Variants in STKLD1 observed in about 807,000 individuals in gnomAD.
STKLD1 encodes serine/threonine kinase like domain containing 1.
STKLD1 carries 79 observed loss-of-function variants against 80.4 expected under a neutral mutation model. The ratio of observed to expected loss-of-function variants is 0.98; its 90% confidence interval spans 0.82 to 1.19. STKLD1 has a LOEUF of 1.19. STKLD1 is among the 50% of genes most tolerant of loss of function. The pLI is 0.00. For synonymous variants in STKLD1, 393 were observed against 357.6 expected (o/e 1.10, Z -1.12); for missense variants, 841 against 856.0 (o/e 0.98, Z 0.22).
chr9:133,388,335 G>A (rs1029582666), intron 5 of STKLD1, among the ~76,000 whole-genome samples: 2 of 151,984 alleles, frequency 1.3e-5, no homozygotes, highest in African/African-American at 2.4e-5. Context: ...TGCAACCTTC[G>A]CCTCCCTGTT....
At position 133,384,603 on chromosome 9, in the gene STKLD1, A is replaced by G. The variant is rs1272542468; in HGVS notation, c.219+703A>G. ...CTTTTTTTTTTTTTCTTTAATAGCA[A>G]TGGGGTCTCACCATTTTGCCCAGGC... On this transcript the variant is annotated intron_variant, in intron 3 of 17. Transcript: ENST00000371957. The surrounding 1 kb of genome is among the most constrained non-coding windows in gnomAD (Gnocchi z 4.3). The G allele has an allele frequency of 6.6e-6, 1 of 151,024 alleles. No homozygotes were observed. Among genetic ancestry groups the G allele is most frequent in the Non-Finnish European group, 1.5e-5 (1 of 67,844 alleles). The allele number at this position is 151,024 out of a possible 1,614,324, so 9.4% of individuals were successfully genotyped here.
intron 2 of STKLD1, among the ~76,000 whole-genome samples, chr9:133,381,297 A>C (rs1838127058): frequency 2.0e-5 from 3 of 150,500 alleles, no homozygotes; most frequent in African/African-American, 7.3e-5. Context: ...GTGCCACCAC[A>C]TCCAGCTAAT....
At position 133,385,480 on chromosome 9, in the gene STKLD1, C is replaced by A; in HGVS notation, c.220-137C>A. 1 of 794,958 alleles carries A rather than the reference C, an allele frequency of 1.3e-6. No homozygotes were observed. The highest frequency in any genetic ancestry group is 2.0e-6 in the Non-Finnish European group (1 of 487,948). 49.2% of individuals were successfully genotyped at this position (794,958 alleles called of 1,614,324 possible). Reference sequence around the variant, plus strand: ...TGCCTGGCTCCCAACCACCGTGCAGCTTCCCTGAGCCCACTCCCTGGCCCA... The same window carrying A: ...TGCCTGGCTCCCAACCACCGTGCAGATTCCCTGAGCCCACTCCCTGGCCCA... On this transcript the variant is annotated intron_variant, in intron 3 of 17. Transcript: ENST00000371957. This position sits in a 1 kb window ranked among gnomAD's most constrained non-coding sequence, Gnocchi z 4.9.
At chr9:133,405,144 TGCATGCCAA>T in intron 17 of STKLD1, 99 bp from the exon 18 acceptor site, 1 of 1,414,312 alleles carries the variant, frequency 7.1e-7, no homozygotes, top group Middle Eastern at 2.5e-4. Flanking sequence ...GGTGGCTCTG[TGCATGCCAA>T]GCCCAAGGGG....
intron 11 of STKLD1, among the ~76,000 whole-genome samples, 160 bp downstream of exon 11, chr9:133,398,215 C>G (rs1365795611): frequency 6.6e-6 from 1 of 152,214 alleles, no homozygotes; most frequent in Non-Finnish European, 1.5e-5. Context: ...AGTCCCGTGT[C>G]TCTGCTATCT....
At position 133,379,054 on chromosome 9, in the gene STKLD1, C is replaced by A; in HGVS notation, c.106C>A (p.Pro36Thr). The change falls in exon 2 of 18, where the codon CCT becomes ACT. Residue 36 changes from proline (P) to threonine (T), a missense_variant. Coordinates refer to ENST00000371957, the MANE Select transcript of STKLD1 (RefSeq NM_153710.5). ...EKYQVLYQLN[P>T]GALGVNLVVE... ...CTGATAGGTTTTGTACCAGCTGAAT[C>A]CTGGGGCCTTGGGGGTGAACCTGGT... is the stretch of plus-strand genomic sequence containing the variant. 1 of 1,613,900 alleles carries A rather than the reference C, an allele frequency of 6.2e-7. No individual in the cohort carries two copies. Among genetic ancestry groups the A allele is most frequent in the Non-Finnish European group, 8.5e-7 (1 of 1,179,870 alleles).
chr9:133,391,530 T>C (rs113081038), intron 7 of STKLD1, among the ~76,000 whole-genome samples: 10,310 of 151,862 alleles, frequency 0.068, 414 homozygotes, highest in Middle Eastern at 0.095. Flanking sequence ...AGAAAAATTC[T>C]TCTGCCTTGG....
chr9:133,395,539 T>A, intron 8 of STKLD1, 61 bp from the exon 9 acceptor site: 1 of 1,558,694 alleles, frequency 6.4e-7, no homozygotes, highest in Non-Finnish European at 8.7e-7. Context: ...CCCCTGCCCA[T>A]GCTGGGACCT....
chr9:133,405,027 G>A, intron 17 of STKLD1, 98 bp downstream of exon 17: 1 of 1,511,636 alleles, frequency 6.6e-7, no homozygotes, highest in South Asian at 1.2e-5. Context: ...TGGAAGGTGG[G>A]CTCAACCCCA....
Position 133,385,529 on chromosome 9 carries a change from T to G in STKLD1, c.220-88T>G. ...CAGCTCAGAGCCCGAGGCTTGCATG[T>G]TTGTTGGGATGTGTGACAGAGAAGC... On this transcript the variant is annotated intron_variant, in intron 3 of 17. Transcript: ENST00000371957. This position sits in a 1 kb window ranked among gnomAD's most constrained non-coding sequence, Gnocchi z 4.9. The G allele has an allele frequency of 1.1e-5, 15 of 1,325,322 alleles. No individual in the cohort carries two copies. Among genetic ancestry groups the G allele is most frequent in the African/African-American group, 1.4e-5 (1 of 69,620 alleles). The allele number at this position is 1,325,322 out of a possible 1,614,324, so 82.1% of individuals were successfully genotyped here.
In STKLD1 at chr9:133,402,861, T is replaced by C; in HGVS notation, c.1340-17T>C. 1 of 1,594,042 alleles carries C rather than the reference T, an allele frequency of 6.3e-7. No homozygotes were observed. Among genetic ancestry groups the C allele is most frequent in the Non-Finnish European group, 8.5e-7 (1 of 1,170,058 alleles). ...GGAGGGAGGGGCCCTGGGGCCCTCATTCTGGCTCACCCACAGAGTCAGAGT... is the reference window on the plus strand; with the variant it reads ...GGAGGGAGGGGCCCTGGGGCCCTCACTCTGGCTCACCCACAGAGTCAGAGT... On this transcript the variant is annotated splice_polypyrimidine_tract_variant and intron_variant, in intron 13 of 17. Transcript: ENST00000371957.
Position 133,405,399 on chromosome 9 carries a change from C to T in STKLD1, c.2021C>T (p.Thr674Ile). 1.2e-6 allele frequency: 2 copies of T among 1,610,322 alleles called. No individual in the cohort carries two copies. The highest frequency in any genetic ancestry group is 1.3e-5 in the African/African-American group (1 of 75,032). The change falls in exon 18 of 18, where the codon ACC becomes ATC. Residue 674 changes from threonine to isoleucine, a missense_variant. Thr to Ile is a moderately conservative substitution (Grantham distance 89). Coordinates refer to ENST00000371957, the MANE Select transcript of STKLD1 (RefSeq NM_153710.5). ...PPGGSPQLGC[T>I]TSGGLE Reference sequence around the variant, plus strand: ...GGTGGAAGCCCCCAGCTGGGGTGCACCACGTCTGGGGGACTGGAATAGATG... The same window carrying T: ...GGTGGAAGCCCCCAGCTGGGGTGCATCACGTCTGGGGGACTGGAATAGATG...
At position 133,394,222 on chromosome 9, in the gene STKLD1, G is replaced by T; in HGVS notation, c.584-69G>T. ...CAAAGGGGATACAGTGCTGGGCAGG[G>T]TGACTCTGTCAAGCCCCTGCCCCCA... On this transcript the variant is annotated intron_variant, in intron 7 of 17. Coordinates refer to ENST00000371957, the MANE Select transcript of STKLD1 (RefSeq NM_153710.5). This position sits in a 1 kb window ranked among gnomAD's most constrained non-coding sequence, Gnocchi z 4.9. 1 of 1,056,878 alleles carries T rather than the reference G, an allele frequency of 9.5e-7. No homozygotes were observed. Among genetic ancestry groups the T allele is most frequent in the Non-Finnish European group, 1.5e-6 (1 of 672,850 alleles). 65.5% of individuals were successfully genotyped at this position (1,056,878 alleles called of 1,614,324 possible). A position where few individuals can be genotyped will look rare whatever the true frequency, so the allele number is the denominator to read the frequency against.
In STKLD1 at chr9:133,389,909, C is replaced by T. The variant is rs2130285385; in HGVS notation, c.467+313C>T. Among the ~76,000 whole-genome samples, 1 of 152,312 alleles carries T rather than the reference C, an allele frequency of 6.6e-6. No homozygotes were observed. Among genetic ancestry groups the T allele is most frequent in the South Asian group, 2.1e-4 (1 of 4,830 alleles). ...AGAGACCGGGTTGCCTGCCGTGGGG[C>T]CAGTGTGGGCTGAGTGGGCCCTGCT... is the stretch of plus-strand genomic sequence containing the variant. On this transcript the variant is annotated intron_variant, in intron 6 of 17. Transcript: ENST00000371957. This position sits in a 1 kb window ranked among gnomAD's most constrained non-coding sequence, Gnocchi z 6.4.
chr9:133,402,798 T>G (rs1838741686), intron 13 of STKLD1, 80 bp from the exon 14 acceptor site: 1 of 1,490,764 alleles, frequency 6.7e-7, no homozygotes, highest in Non-Finnish European at 9.1e-7. Flanking sequence ...CAAATGGGAC[T>G]GCAGTGCCCA....
intron 2 of STKLD1, 114 bp downstream of exon 2, chr9:133,379,236 G>A (rs2130260149): frequency 8.1e-6 from 7 of 864,754 alleles, no homozygotes; most frequent in Middle Eastern, 3.5e-4. Flanking sequence ...TGGATTCCTC[G>A]CTGCTGACAC....
At position 133,397,161 on chromosome 9, in the gene STKLD1, T is replaced by G; in HGVS notation, c.867-3T>G. 1.9e-6 allele frequency: 3 copies of G among 1,613,942 alleles called. No homozygotes were observed. The highest frequency in any genetic ancestry group is 2.5e-6 in the Non-Finnish European group (3 of 1,180,014). On this transcript the variant is annotated splice_region_variant and splice_polypyrimidine_tract_variant and intron_variant, in intron 9 of 17. Transcript: ENST00000371957. ...TACTCAGCCCTCTCTGCTCCTCTGC[T>G]AGGGACGTGGTGCACATCACCTTCT...
chr9:133,383,168 TTG>T (rs1394595584), intron 2 of STKLD1, among the ~76,000 whole-genome samples: 1 of 147,654 alleles, frequency 6.8e-6, no homozygotes, highest in Non-Finnish European at 1.5e-5. Flanking sequence ...ATGGTGATGA[TTG>T]TGTGATGATG....
chr9:133,401,790 C>T lies in STKLD1; in HGVS notation c.1251C>T (p.Ser417=), dbSNP rs781993288. ...AKAPCNQAIT[S]TLLSALQSHP... is the part of the protein sequence containing the mutation. Reference sequence around the variant, plus strand: ...CTCCCTGCAACCAAGCCATCACCTCCACCCTGCTGAGTGCTCTTCAGAGCC... The same window carrying T: ...CTCCCTGCAACCAAGCCATCACCTCTACCCTGCTGAGTGCTCTTCAGAGCC... The change falls in exon 13 of 18, where the codon TCC becomes TCT. Residue 417 remains serine (S), a synonymous_variant. Coordinates refer to ENST00000371957, the MANE Select transcript of STKLD1 (RefSeq NM_153710.5). 1 of 1,613,676 alleles carries T rather than the reference C, an allele frequency of 6.2e-7. No individual in the cohort carries two copies. The highest frequency in any genetic ancestry group is 8.5e-7 in the Non-Finnish European group (1 of 1,180,028).
Sources: gnomAD v4.1 joint callset for allele counts (sites outside exome capture counted in the v4.1 genomes callset) on GRCh38, gnomAD v4.1.1 for gene constraint, Gnocchi (gnomAD v3.1) non-coding constraint, MANE v1.5 for transcripts, NCBI Gene and HGNC (gene_info 2026-07-23, HGNC 2026-07-21) for gene names.